The following DCC variants were observed in gnomAD, a reference collection of about 807,000 sequenced individuals.
The protein encoded by DCC is netrin receptor DCC.
DCC carries 58 observed loss-of-function variants against 172.5 expected under a neutral mutation model. The observed-to-expected ratio is 0.34, with a 90% CI of 0.27 to 0.42. The LOEUF (loss-of-function observed/expected upper bound fraction) is 0.42. Among genes scored for constraint, DCC ranks in the 10% least tolerant of loss-of-function variants. The pLI is 1.00. For synonymous variants in DCC, 709 were observed against 644.5 expected, an observed-to-expected ratio of 1.10 and a Z score of -1.52; for missense variants, 1,740 against 1,791.0, an observed-to-expected ratio of 0.97 and a Z score of 0.51.
At chr18:52,855,675 T>A (rs1473539469) in intron 2 of DCC, among the ~76,000 whole-genome samples, 1 of 152,014 alleles carries the variant, frequency 6.6e-6, no homozygotes, top group African/African-American at 2.4e-5. Flanking sequence ...GCCTGAGCAA[T>A]GTGATATTGT....
chr18:52,949,301 C>G (rs2040598091), intron 5 of DCC, among the ~76,000 whole-genome samples: 1 of 152,146 alleles, frequency 6.6e-6, no homozygotes, highest in Admixed American at 6.5e-5. Context: ...TATCAGGACC[C>G]AGCCGGAAAG....
chr18:52,530,396 G>A (rs2032113548), intron 1 of DCC, among the ~76,000 whole-genome samples: 1 of 152,154 alleles, frequency 6.6e-6, no homozygotes, highest in East Asian at 1.9e-4. Context: ...TCTGTCTGTG[G>A]GTTTAAACCC....
chr18:52,491,841 G>A (rs545899689), intron 1 of DCC, among the ~76,000 whole-genome samples: 2 of 152,176 alleles, frequency 1.3e-5, no homozygotes, highest in South Asian at 2.1e-4. Context: ...GGAAGATTGG[G>A]TTAGTGGAAA....
chr18:53,044,833 G>A (rs1046476951), intron 5 of DCC, among the ~76,000 whole-genome samples: 4 of 151,698 alleles, frequency 2.6e-5, no homozygotes, highest in African/African-American at 9.7e-5. Flanking sequence ...CATATTTCAG[G>A]TTACATTTTT....
intron 1 of DCC, among the ~76,000 whole-genome samples, chr18:52,730,983 T>C (rs1599055484): frequency 1.3e-5 from 2 of 152,104 alleles, no homozygotes; most frequent in Admixed American, 6.6e-5. Flanking sequence ...AAGAATAAAA[T>C]TTGTCCATCT....
chr18:52,772,404 TATGGCAGAAGTGATGTG>T (rs2037359950), intron 2 of DCC, among the ~76,000 whole-genome samples: 1 of 152,186 alleles, frequency 6.6e-6, no homozygotes, highest in Non-Finnish European at 1.5e-5. Context: ...TGCCATGGTT[TATGGCAGAAGTGATGTG>T]ATGATTTGTA....
chr18:52,765,199 AATTTTTTT>A (rs1428334154), intron 2 of DCC, among the ~76,000 whole-genome samples: 1 of 120,116 alleles, frequency 8.3e-6, no homozygotes, highest in South Asian at 2.6e-4. Flanking sequence ...ACTCCTGGCT[AATTTTTTT>A]TTTTTTTTTT....
At chr18:52,917,510 C>T (rs190729417) in intron 3 of DCC, among the ~76,000 whole-genome samples, 30 of 152,202 alleles carry the variant, frequency 2.0e-4, no homozygotes, top group Non-Finnish European at 4.0e-4. Context: ...CATCGTTATT[C>T]TTTGTTGTAA....
chr18:52,508,891 G>C (rs2031330078), intron 1 of DCC, among the ~76,000 whole-genome samples: 1 of 152,256 alleles, frequency 6.6e-6, no homozygotes, highest in Non-Finnish European at 1.5e-5. Flanking sequence ...TGCTTGAGCA[G>C]AGATGCAGCC....
intron 2 of DCC, among the ~76,000 whole-genome samples, chr18:52,888,305 C>A (rs761237657): frequency 1.3e-5 from 2 of 152,160 alleles, no homozygotes; most frequent in South Asian, 2.1e-4. Context: ...GTATTAACAA[C>A]AAGGACAAAA....
At chr18:53,438,026 AT>A (rs1912061369) in intron 22 of DCC, among the ~76,000 whole-genome samples, 1 of 152,194 alleles carries the variant, frequency 6.6e-6, no homozygotes, top group South Asian at 2.1e-4. Context: ...GAGAAACATA[AT>A]TGTTGTATTT....
At chr18:52,808,535 AAAG>A (rs2038131711) in intron 2 of DCC, among the ~76,000 whole-genome samples, 1 of 152,202 alleles carries the variant, frequency 6.6e-6, no homozygotes, top group East Asian at 1.9e-4. Context: ...CACTGTTAGA[AAAG>A]AAAAAATAAA....
At chr18:52,801,873 CT>C (rs1223597754) in intron 2 of DCC, among the ~76,000 whole-genome samples, 3 of 152,212 alleles carry the variant, frequency 2.0e-5, no homozygotes, top group African/African-American at 7.2e-5. Context: ...AATATGCCTG[CT>C]TTTTTTCTCT....
intron 1 of DCC, among the ~76,000 whole-genome samples, chr18:52,425,786 C>A (rs974317328): frequency 6.6e-6 from 1 of 152,132 alleles, no homozygotes; most frequent in African/African-American, 2.4e-5. Flanking sequence ...CAGCTCCACT[C>A]ATAGAAATTA....
At chr18:52,924,665 A>C (rs1355586157) in intron 4 of DCC, among the ~76,000 whole-genome samples, 7 of 152,110 alleles carry the variant, frequency 4.6e-5, no homozygotes, top group African/African-American at 1.7e-4. Context: ...TAAGTCCATC[A>C]ATCATAAATT....
intron 1 of DCC, among the ~76,000 whole-genome samples, chr18:52,372,387 G>A (rs1985160138): frequency 1.3e-5 from 2 of 152,172 alleles, no homozygotes; most frequent in Admixed American, 6.5e-5. Context: ...GGCTGGTTAT[G>A]AGGACAGTGC....
intron 5 of DCC, among the ~76,000 whole-genome samples, chr18:52,925,642 GA>G (rs1314865145): frequency 6.6e-6 from 1 of 151,862 alleles, no homozygotes; most frequent in Non-Finnish European, 1.5e-5. Flanking sequence ...ATTAATGGCA[GA>G]TGTGTTGAAT....
At chr18:52,528,585 A>C (rs569419061) in intron 1 of DCC, among the ~76,000 whole-genome samples, 48 of 152,200 alleles carry the variant, frequency 3.2e-4, no homozygotes, top group African/African-American at 1.1e-3. Context: ...TTTAAGATCC[A>C]TCAGCCCTGG....
chr18:52,987,945 A>G (rs757521679), intron 5 of DCC, among the ~76,000 whole-genome samples: 24 of 152,250 alleles, frequency 1.6e-4, no homozygotes, highest in Non-Finnish European at 2.1e-4. Flanking sequence ...ATTGCCCAGC[A>G]AGAAACTCAA....
Sources: allele counts gnomAD v4.1 joint callset (sites outside exome capture counted in the v4.1 genomes callset), GRCh38; gene constraint gnomAD v4.1.1; transcripts MANE v1.5; gene names NCBI Gene and HGNC (gene_info 2026-07-23, HGNC 2026-07-21).